Variants in ACYP2 observed in about 807,000 individuals in gnomAD.
ACYP2 encodes acylphosphatase 2.
A neutral mutation model predicts 11.2 loss-of-function variants in ACYP2; 12 were observed. The ratio of observed to expected loss-of-function variants is 1.08; its 90% CI spans 0.69 to 1.74. The LOEUF (loss-of-function observed/expected upper bound fraction) is 1.74, where lower values mean the gene tolerates loss of function less well. ACYP2 is among the 40% of genes most tolerant of loss of function. The pLI is 0.00. For synonymous variants in ACYP2, 43 were observed against 32.2 expected, an observed-to-expected ratio of 1.33 and a Z score of -1.13; for missense variants, 134 against 101.9, an observed-to-expected ratio of 1.31 and a Z score of -1.35.
intron 2 of ACYP2, among the ~76,000 whole-genome samples, chr2:53,986,044 G>A (rs1672019711): frequency 6.6e-6 from 1 of 152,128 alleles, no homozygotes; most frequent in Non-Finnish European, 1.5e-5. Flanking sequence ...GCTGAGGCAG[G>A]AGAATCCTGG....
At position 53,980,516 on chromosome 2, in the gene ACYP2, A is replaced by C. The variant is rs1455904085; in HGVS notation, c.62+6706A>C. Among the ~76,000 whole-genome samples the C allele has an allele frequency of 2.6e-5, 4 of 152,124 alleles. No homozygotes were observed. In the South Asian group the frequency reaches 8.3e-4, roughly 32 times the overall value. ...GAGGATTGCTTGAGCTAGGAGTTCA[A>C]GATCAGGCTGGGCAACGTGGTGAGA... On this transcript the variant is annotated intron_variant, in intron 2 of 6. Transcript: ENST00000607452.
intron 6 of ACYP2, among the ~76,000 whole-genome samples, chr2:54,295,903 G>C (rs906478639): frequency 2.0e-5 from 3 of 152,126 alleles, no homozygotes; most frequent in Non-Finnish European, 4.4e-5. Flanking sequence ...TGGAATTACA[G>C]GCACCCACCG....
chr2:54,131,138 GT>G (rs1435122441), intron 4 of ACYP2, among the ~76,000 whole-genome samples: 5 of 152,162 alleles, frequency 3.3e-5, no homozygotes, highest in African/African-American at 1.2e-4. Context: ...AAAAATGTTT[GT>G]TAAGTCAATA....
At chr2:54,298,591 G>C (rs1306336642) in intron 6 of ACYP2, among the ~76,000 whole-genome samples, 1 of 152,202 alleles carries the variant, frequency 6.6e-6, no homozygotes, top group East Asian at 1.9e-4. Context: ...GCAGAGAAAT[G>C]GTCCAGTTAA....
intron 6 of ACYP2, among the ~76,000 whole-genome samples, chr2:54,206,897 TG>T (rs1449789639): frequency 6.6e-6 from 1 of 152,182 alleles, no homozygotes; most frequent in African/African-American, 2.4e-5. Context: ...TGGTAGCCAA[TG>T]TTTTTCTCAA....
intron 4 of ACYP2, among the ~76,000 whole-genome samples, chr2:54,119,051 CTTTTT>C (rs10542497): frequency 0.11 from 4,819 of 43,614 alleles, 145 homozygotes; most frequent in Non-Finnish European, 0.14. Context: ...TCTTAGTAGT[CTTTTT>C]TTTTTTTTTT....
chr2:54,035,286 G>C (rs1185048586), intron 2 of ACYP2, among the ~76,000 whole-genome samples: 1 of 122,070 alleles, frequency 8.2e-6, no homozygotes, highest in Non-Finnish European at 1.7e-5. Flanking sequence ...TTTTTTTTGA[G>C]ACAGAGTCTC....
At chr2:54,137,667 T>C (rs972622613) in intron 5 of ACYP2, among the ~76,000 whole-genome samples, 2 of 152,256 alleles carry the variant, frequency 1.3e-5, no homozygotes, top group Non-Finnish European at 2.9e-5. Flanking sequence ...CACATTTTCT[T>C]TATCCAGTCT....
At chr2:54,182,151 C>T (rs1012926157) in intron 6 of ACYP2, among the ~76,000 whole-genome samples, 1 of 140,980 alleles carries the variant, frequency 7.1e-6, no homozygotes, top group Admixed American at 7.8e-5. Flanking sequence ...CCTCAGCCTT[C>T]GGGTTTCAAG....
At position 54,272,097 on chromosome 2, in the gene ACYP2, A is replaced by C. The variant is rs114909258; in HGVS notation, c.405-32591A>C. Among the ~76,000 whole-genome samples the C allele has an allele frequency of 3.3e-3, 498 of 152,344 alleles. 6 individuals carry two copies. The highest frequency in any genetic ancestry group is 0.011 in the African/African-American group (474 of 41,592). On this transcript the variant is annotated intron_variant, in intron 6 of 6. Transcript: ENST00000607452. ...CTTTTCATGGATCAAGCACCATGCT[A>C]AACACTTCATATCGACCATCTTGCC...
chr2:53,998,962 C>T (rs1672687972), intron 2 of ACYP2, among the ~76,000 whole-genome samples: 1 of 152,072 alleles, frequency 6.6e-6, no homozygotes, highest in African/African-American at 2.4e-5. Flanking sequence ...AGGGATCCCA[C>T]GGCCACTGTT....
At chr2:54,063,190 T>G (rs1381276340) in intron 4 of ACYP2, among the ~76,000 whole-genome samples, 1 of 152,174 alleles carries the variant, frequency 6.6e-6, no homozygotes, top group African/African-American at 2.4e-5. Context: ...CTCACTGTGT[T>G]GCCCAGGCTG....
At chr2:54,261,094 T>C (rs1687756320) in intron 6 of ACYP2, among the ~76,000 whole-genome samples, 1 of 152,160 alleles carries the variant, frequency 6.6e-6, no homozygotes, top group South Asian at 2.1e-4. Flanking sequence ...ATTATACATC[T>C]CCCCAAGGGT....
rs1186074271 is a variant in ACYP2 at position 54,276,654 on chromosome 2, CA to C, written c.405-28033del. On this transcript the variant is annotated intron_variant, in intron 6 of 6. Transcript: ENST00000607452. The stretch of plus-strand genomic sequence containing the variant: ...ACACACACACACACACACACACACA[CA>C]CACACACCACACACAAGAAAAATTG... 9.0e-3 allele frequency among the ~76,000 whole-genome samples: 1,165 copies of C among 128,934 alleles called. 8 individuals are homozygous for C. The highest frequency in any genetic ancestry group is 0.033 in the African/African-American group (1,071 of 32,262). The allele number at this position is 128,934 out of a possible 152,430, so 84.6% of individuals were successfully genotyped here.
chr2:54,226,997 A>G (rs1430140581), intron 6 of ACYP2, among the ~76,000 whole-genome samples: 2 of 152,168 alleles, frequency 1.3e-5, no homozygotes, highest in Admixed American at 1.3e-4. Flanking sequence ...AGGCTATGGA[A>G]TTGGGTAAGA....
chr2:54,162,571 C>G (rs1682766931), intron 6 of ACYP2, among the ~76,000 whole-genome samples: 2 of 152,106 alleles, frequency 1.3e-5, no homozygotes, highest in South Asian at 4.1e-4. Context: ...CCTAGACGTA[C>G]TGAATCAGAA....
At chr2:54,197,942 A>ACTGTACTGTATTG in intron 6 of ACYP2, among the ~76,000 whole-genome samples, 1 of 69,568 alleles carries the variant, frequency 1.4e-5, no homozygotes, top group Non-Finnish European at 3.3e-5. Context: ...TGTATGTATT[A>ACTGTACTGTATTG]TATTGTATTG....
chr2:54,100,578 G>T (rs940053229), intron 4 of ACYP2, among the ~76,000 whole-genome samples: 6 of 151,610 alleles, frequency 4.0e-5, no homozygotes, highest in Admixed American at 3.3e-4. Context: ...CAAAGTTCTG[G>T]GATTATAGGG....
At chr2:54,115,858 G>T (rs1558539208) in intron 4 of ACYP2, 102 bp downstream of exon 1, 1 of 1,353,324 alleles carries the variant, frequency 7.4e-7, no homozygotes, top group African/African-American at 1.6e-5. Flanking sequence ...TTCCCGTTGT[G>T]GCTGGGACTT....
Sources: gnomAD v4.1 joint callset for allele counts (sites outside exome capture counted in the v4.1 genomes callset) on GRCh38, gnomAD v4.1.1 for gene constraint, MANE v1.5 for transcripts, NCBI Gene and HGNC (gene_info 2026-07-23, HGNC 2026-07-21) for gene names.